The following TMEM117 variants were observed in gnomAD, a reference collection of about 807,000 sequenced individuals.
TMEM117 encodes transmembrane protein 117.
A neutral mutation model predicts 52.4 loss-of-function variants in TMEM117; 27 were observed. That is an observed-to-expected ratio of 0.51 (90% CI 0.38 to 0.71). The LOEUF (loss-of-function observed/expected upper bound fraction) is 0.71, where lower values mean the gene tolerates loss of function less well. Ranked by LOEUF, TMEM117 falls within the 30% of genes least tolerant of loss-of-function variation. TMEM117 has a pLI of 0.00. For missense variants in TMEM117, 556 were observed against 630.5 expected, an observed-to-expected ratio of 0.88 and a Z score of 1.26; for synonymous variants, 215 against 206.3, an observed-to-expected ratio of 1.04 and a Z score of -0.36.
intron 4 of TMEM117, among the ~76,000 whole-genome samples, chr12:44,177,530 A>C (rs1565861444): frequency 6.6e-6 from 1 of 152,164 alleles, no homozygotes; most frequent in African/African-American, 2.4e-5. Flanking sequence ...GGATTGTTCA[A>C]AATTCAGTTA....
At chr12:44,017,554 C>T (rs1946392478) in intron 3 of TMEM117, among the ~76,000 whole-genome samples, 1 of 151,908 alleles carries the variant, frequency 6.6e-6, no homozygotes. Flanking sequence ...GGTTGGCTAA[C>T]TTAGAGGGGT....
chr12:43,802,479 T>A, the TMEM117 span: 1 of 1,590,640 alleles, frequency 6.3e-7, no homozygotes, highest in Non-Finnish European at 8.6e-7. Context: ...GAAAAATTAT[T>A]TTTAGAAAGA....
intron 2 of TMEM117, among the ~76,000 whole-genome samples, chr12:43,865,183 C>G (rs1174643697): frequency 1.3e-5 from 2 of 152,126 alleles, no homozygotes; most frequent in Non-Finnish European, 2.9e-5. Context: ...AAGAACCCAC[C>G]AATTCCGACA....
intron 2 of TMEM117, among the ~76,000 whole-genome samples, chr12:43,889,454 G>C (rs775293160): frequency 7.2e-5 from 11 of 152,190 alleles, no homozygotes; most frequent in Admixed American, 1.3e-4. Context: ...ACACTCTTAT[G>C]AGAATCTAAT....
At chr12:43,818,345 TA>T in the TMEM117 span, among the ~76,000 whole-genome samples, 24 of 152,110 alleles carry the variant, frequency 1.6e-4, no homozygotes, top group African/African-American at 4.8e-5. Flanking sequence ...TTTTCTAATT[TA>T]TAAACAATCT....
chr12:44,200,494 A>T (rs1027878316), intron 4 of TMEM117, among the ~76,000 whole-genome samples: 1 of 152,210 alleles, frequency 6.6e-6, no homozygotes, highest in Non-Finnish European at 1.5e-5. Flanking sequence ...TCATGGAAAT[A>T]CTAATTATTT....
intron 6 of TMEM117, among the ~76,000 whole-genome samples, chr12:44,349,942 G>A (rs946393547): frequency 6.6e-6 from 1 of 151,986 alleles, no homozygotes; most frequent in African/African-American, 2.4e-5. Context: ...ATGTAGCCAG[G>A]AAAGGCAAAG....
chr12:44,056,515 G>A (rs1398785720), intron 3 of TMEM117, among the ~76,000 whole-genome samples: 1 of 152,094 alleles, frequency 6.6e-6, no homozygotes, highest in Non-Finnish European at 1.5e-5. Flanking sequence ...AGTTTTGAAA[G>A]GAGTTTTGTA....
chr12:44,088,505 G>T (rs1947610570), intron 3 of TMEM117, among the ~76,000 whole-genome samples: 2 of 152,246 alleles, frequency 1.3e-5, no homozygotes, highest in South Asian at 4.1e-4. Flanking sequence ...CATAAAACAA[G>T]GTTAGTTGAG....
chr12:44,300,339 T>G lies in TMEM117; in HGVS notation c.768+600T>G, dbSNP rs117563934. Among the ~76,000 whole-genome samples, 1,150 of 152,320 alleles carry G rather than the reference T, an allele frequency of 7.5e-3. 5 individuals are homozygous for G. The highest frequency in any genetic ancestry group is 0.011 in the Non-Finnish European group (757 of 68,024). The stretch of plus-strand genomic sequence containing the variant: ...TGTAATCTGGTGTGACTCTTTGGCG[T>G]TTTAGGACTATTCTTTTGAATGGGG... On this transcript the variant is annotated intron_variant, in intron 6 of 7. Coordinates refer to ENST00000266534, the MANE Select transcript of TMEM117 (RefSeq NM_032256.3).
At chr12:44,179,511 A>G (rs1949161165) in intron 4 of TMEM117, among the ~76,000 whole-genome samples, 1 of 152,254 alleles carries the variant, frequency 6.6e-6, no homozygotes, top group African/African-American at 2.4e-5. Context: ...GAGGAAGCCA[A>G]GTGTCCAGCA....
chr12:44,342,782 G>A (rs1951434562), intron 6 of TMEM117, among the ~76,000 whole-genome samples: 1 of 152,020 alleles, frequency 6.6e-6, no homozygotes, highest in African/African-American at 2.4e-5. Flanking sequence ...AGACCATCTG[G>A]CAAATGTAGA....
intron 2 of TMEM117, among the ~76,000 whole-genome samples, chr12:43,887,949 T>A (rs1203418242): frequency 1.3e-5 from 2 of 152,218 alleles, no homozygotes; most frequent in African/African-American, 2.4e-5. Flanking sequence ...TTCTGTGCTA[T>A]GCTGTGGAAG....
chr12:43,962,910 A>G (rs1367619386), intron 3 of TMEM117, among the ~76,000 whole-genome samples: 3 of 152,030 alleles, frequency 2.0e-5, no homozygotes, highest in Non-Finnish European at 2.9e-5. Context: ...CCTGGGTGAC[A>G]GAGCAAGACT....
At chr12:44,298,849 G>A (rs1397132286) in intron 5 of TMEM117, among the ~76,000 whole-genome samples, 2 of 150,628 alleles carry the variant, frequency 1.3e-5, no homozygotes, top group Non-Finnish European at 2.9e-5. Context: ...CTTAGAGATG[G>A]TGATGAGTCT....
intron 3 of TMEM117, among the ~76,000 whole-genome samples, chr12:44,140,430 A>G (rs1320920982): frequency 6.6e-6 from 1 of 152,146 alleles, no homozygotes; most frequent in African/African-American, 2.4e-5. Context: ...TAATTTAAAC[A>G]AATATTTATT....
chr12:44,228,149 GA>G (rs1949887067), intron 5 of TMEM117, among the ~76,000 whole-genome samples: 1 of 152,014 alleles, frequency 6.6e-6, no homozygotes, highest in Non-Finnish European at 1.5e-5. Flanking sequence ...GTTTTAAATA[GA>G]AGCACAATAT....
chr12:43,841,019 C>A (rs1186789338), intron 1 of TMEM117, among the ~76,000 whole-genome samples: 1 of 152,168 alleles, frequency 6.6e-6, no homozygotes, highest in Non-Finnish European at 1.5e-5. Flanking sequence ...ACTAGGCAAA[C>A]ATTTGCAGCC....
chr12:44,382,696 T>G (rs1952037208), intron 7 of TMEM117, among the ~76,000 whole-genome samples: 1 of 152,194 alleles, frequency 6.6e-6, no homozygotes, highest in South Asian at 2.1e-4. Flanking sequence ...TAAGAAATAG[T>G]CTCCCACTTA....
Sources: gnomAD v4.1 joint callset for allele counts (sites outside exome capture counted in the v4.1 genomes callset) on GRCh38, gnomAD v4.1.1 for gene constraint, MANE v1.5 for transcripts, NCBI Gene and HGNC (gene_info 2026-07-23, HGNC 2026-07-21) for gene names.